FHIT: variants seen among roughly 807,000 people sequenced by gnomAD.
FHIT encodes the protein bis(5'-adenosyl)-triphosphatase.
In FHIT, 19 loss-of-function variants were observed where a neutral mutation model predicts 17.9. The observed-to-expected ratio is 1.06, with a 90% CI of 0.74 to 1.56. FHIT has a LOEUF of 1.56. Among genes scored for constraint, FHIT ranks in the 40% most tolerant of loss-of-function variants. The probability of loss-of-function intolerance (pLI) is 0.00; values close to 1 mark genes in which losing one functional copy is unlikely to be tolerated. For missense variants in FHIT, 248 were observed against 189.2 expected (o/e 1.31, Z -1.82); for synonymous variants, 81 against 69.7 (o/e 1.16, Z -0.81).
intron 4 of FHIT, among the ~76,000 whole-genome samples, chr3:60,697,338 T>C (rs982270172): frequency 1.1e-4 from 17 of 152,134 alleles, no homozygotes; most frequent in Non-Finnish European, 2.1e-4. Context: ...AGAAATACAA[T>C]GTATTGACTT....
intron 5 of FHIT, among the ~76,000 whole-genome samples, chr3:60,530,990 G>T (rs961819526): frequency 3.9e-5 from 6 of 152,184 alleles, no homozygotes; most frequent in African/African-American, 1.2e-4. Flanking sequence ...AACAGTCACT[G>T]CTAAATGCAT....
chr3:60,376,984 C>T (rs879729629), intron 5 of FHIT, among the ~76,000 whole-genome samples: 1 of 152,148 alleles, frequency 6.6e-6, no homozygotes, highest in Non-Finnish European at 1.5e-5. Context: ...ATCCATTTAT[C>T]TCTCTCTCCA....
At chr3:59,877,139 T>C (rs749398326) in intron 8 of FHIT, among the ~76,000 whole-genome samples, 3 of 152,218 alleles carry the variant, frequency 2.0e-5, no homozygotes, top group African/African-American at 7.2e-5. Flanking sequence ...TGTTATATTC[T>C]TGAGTATGAC....
At chr3:60,689,013 AG>A (rs1228593392) in intron 4 of FHIT, among the ~76,000 whole-genome samples, 10 of 152,046 alleles carry the variant, frequency 6.6e-5, no homozygotes, top group Non-Finnish European at 1.0e-4. Flanking sequence ...CTTGTGTTGT[AG>A]GAGGGACTTG....
At chr3:60,096,634 T>C (rs767976803) in intron 5 of FHIT, among the ~76,000 whole-genome samples, 12 of 152,172 alleles carry the variant, frequency 7.9e-5, no homozygotes, top group Non-Finnish European at 1.5e-4. Flanking sequence ...CAGTTTGTTT[T>C]CCCTGTACCT....
intron 4 of FHIT, among the ~76,000 whole-genome samples, chr3:60,541,362 A>G (rs965217890): frequency 3.3e-5 from 5 of 152,178 alleles, no homozygotes; most frequent in African/African-American, 1.2e-4. Context: ...CACATCCACC[A>G]TTCTACAAAC....
At chr3:60,078,549 T>C (rs1165645764) in intron 5 of FHIT, among the ~76,000 whole-genome samples, 7 of 152,144 alleles carry the variant, frequency 4.6e-5, no homozygotes, top group Non-Finnish European at 1.0e-4. Flanking sequence ...AAACACAATG[T>C]GTGATCCTGG....
rs1455118875 is a variant in FHIT, at chr3:61,127,396, T to C, written c.-164+73221A>G. Among the ~76,000 whole-genome samples, 4 of 152,162 alleles carry C rather than the reference T, an allele frequency of 2.6e-5. No homozygotes were observed. In the East Asian group the frequency reaches 7.7e-4, roughly 29 times the overall value. The stretch of plus-strand genomic sequence containing the variant: ...AAAGATCGATACAGGTGAGATAAGA[T>C]CTCCAATTCTTAAACAGCAGAGAAA... On this transcript the variant is annotated intron_variant, in intron 2 of 9. Coordinates refer to ENST00000492590, the MANE Select transcript of FHIT (RefSeq NM_002012.4).
chr3:60,139,820 T>TAA (rs10680391), intron 5 of FHIT, among the ~76,000 whole-genome samples: 20,106 of 147,754 alleles, frequency 0.14, 2,066 homozygotes, highest in East Asian at 0.58. Flanking sequence ...CTTTCATTAT[T>TAA]AAAAAAAAAA....
At chr3:59,998,082 TCTA>T (rs140119668) in intron 7 of FHIT, among the ~76,000 whole-genome samples, 1,903 of 152,250 alleles carry the variant, frequency 0.012, 57 homozygotes, top group African/African-American at 0.044. Context: ...GTTAGCCACT[TCTA>T]CACAGATCAC....
intron 7 of FHIT, among the ~76,000 whole-genome samples, chr3:59,957,833 G>C (rs775967767): frequency 6.6e-6 from 1 of 152,086 alleles, no homozygotes; most frequent in Non-Finnish European, 1.5e-5. Context: ...TAGACTCTTG[G>C]CTATACAACA....
chr3:60,180,006 T>C (rs549967254), intron 5 of FHIT, among the ~76,000 whole-genome samples: 60 of 152,244 alleles, frequency 3.9e-4, no homozygotes, highest in Non-Finnish European at 7.5e-4. Flanking sequence ...GGGGACTATA[T>C]GTAATATATT....
chr3:60,129,583 CTGAG>C (rs1199789420), intron 5 of FHIT, among the ~76,000 whole-genome samples: 1 of 152,132 alleles, frequency 6.6e-6, no homozygotes, highest in African/African-American at 2.4e-5. Context: ...TCCTTTTCTT[CTGAG>C]TAATATATTA....
intron 8 of FHIT, among the ~76,000 whole-genome samples, chr3:59,849,169 G>C (rs1270317441): frequency 1.3e-5 from 2 of 152,112 alleles, no homozygotes; most frequent in Non-Finnish European, 2.9e-5. Context: ...CCAGGAGTTT[G>C]AGACCAGCCT....
chr3:60,704,395 C>T (rs1386904096), intron 4 of FHIT, among the ~76,000 whole-genome samples: 2 of 152,192 alleles, frequency 1.3e-5, no homozygotes, highest in South Asian at 4.1e-4. Flanking sequence ...CACCTGCACA[C>T]ATTTTAAAAT....
intron 8 of FHIT, among the ~76,000 whole-genome samples, chr3:59,819,375 G>T (rs1700712299): frequency 6.6e-6 from 1 of 152,000 alleles, no homozygotes; most frequent in African/African-American, 2.4e-5. Flanking sequence ...GTGTCTCTCA[G>T]TTATTTTCCG....
At chr3:60,615,079 T>C (rs1576975701) in intron 4 of FHIT, among the ~76,000 whole-genome samples, 1 of 152,026 alleles carries the variant, frequency 6.6e-6, no homozygotes, top group African/African-American at 2.4e-5. Context: ...CTGCCTGCCT[T>C]GGCCTCCCAA....
At chr3:60,951,837 T>C (rs776798454) in intron 3 of FHIT, among the ~76,000 whole-genome samples, 99 of 152,136 alleles carry the variant, frequency 6.5e-4, no homozygotes, top group Non-Finnish European at 1.3e-3. Context: ...TTTCCCTAAA[T>C]AAAGGGAAAG....
At chr3:60,308,127 T>G (rs901012847) in intron 5 of FHIT, among the ~76,000 whole-genome samples, 2 of 152,158 alleles carry the variant, frequency 1.3e-5, no homozygotes, top group African/African-American at 4.8e-5. Context: ...ATGCATTTAT[T>G]AAGCTCAAGT....
Sources: allele counts gnomAD v4.1 joint callset (sites outside exome capture counted in the v4.1 genomes callset), GRCh38; gene constraint gnomAD v4.1.1; transcripts MANE v1.5; gene names NCBI Gene and HGNC (gene_info 2026-07-23, HGNC 2026-07-21).